The following FHIP2A variants were observed in gnomAD, a reference collection of about 807,000 sequenced individuals.
FHIP2A encodes the protein FHF complex subunit HOOK interacting protein 2A, also known as family with sequence similarity 160 member B1.
A neutral mutation model predicts 93.5 loss-of-function variants in FHIP2A; 46 were observed. The observed-to-expected ratio is 0.49, with a 90% CI of 0.39 to 0.63. The LOEUF (loss-of-function observed/expected upper bound fraction) is 0.63. FHIP2A is among the 20% of genes least tolerant of loss of function. The probability of loss-of-function intolerance (pLI) is 0.00; values close to 1 mark genes in which losing one functional copy is unlikely to be tolerated. For synonymous variants in FHIP2A, 332 were observed against 326.5 expected (o/e 1.02, Z -0.18); for missense variants, 769 against 909.7 (o/e 0.85, Z 1.99).
chr10:114,858,293 T>G (rs1034390848), intron 14 of FHIP2A, among the ~76,000 whole-genome samples: 9 of 152,240 alleles, frequency 5.9e-5, no homozygotes, highest in African/African-American at 2.2e-4. Context: ...TTTATCTTGT[T>G]GAAATTTATT....
chr10:114,896,751 T>C (rs1056536289), intron 16 of FHIP2A, among the ~76,000 whole-genome samples: 2 of 152,238 alleles, frequency 1.3e-5, no homozygotes, highest in Admixed American at 1.3e-4. Context: ...AACCAAGCTG[T>C]GCCCTGACCA....
chr10:114,828,102 T>G (rs2083587717), intron 1 of FHIP2A, among the ~76,000 whole-genome samples: 1 of 152,180 alleles, frequency 6.6e-6, no homozygotes, highest in South Asian at 2.1e-4. Flanking sequence ...CCAGAAAGTT[T>G]TACATAAATA....
Position 114,846,610 on chromosome 10 carries a change from G to A in FHIP2A, c.1450G>A (p.Glu484Lys). The A allele has an allele frequency of 6.2e-7, 1 of 1,610,860 alleles. No homozygotes were observed. The highest frequency in any genetic ancestry group is 8.5e-7 in the Non-Finnish European group (1 of 1,179,186). Residue 484 changes from glutamate (E) to lysine (K), a missense_variant, in exon 11 of 17, where the codon GAG becomes AAG. Glu to Lys is a moderately conservative substitution (Grantham distance 56). Transcript: ENST00000369248. The stretch of plus-strand genomic sequence containing the variant: ...TGAACATCTTTTACAAAAACCCAAT[G>A]AGCACATTCTTTACAACTTGGTCTT... ...MFEHLLQKPN[E>K]HILYNLVLRN...
Position 114,855,209 on chromosome 10 carries a change from T to C in FHIP2A, c.1816T>C (p.Cys606Arg), listed in dbSNP as rs745832787. ...TTTTTCCCCCTAGTTCCGAGACTACTGTGCTATCTGCTTAAGATGGGAGTG... is the reference window on the plus strand; with the variant it reads ...TTTTTCCCCCTAGTTCCGAGACTACCGTGCTATCTGCTTAAGATGGGAGTG... Reference protein sequence around the residue: ...RDAHRQFRDYCAICLRWEWPG... With the variant: ...RDAHRQFRDYRAICLRWEWPG... The change falls in exon 14 of 17, where the codon TGT becomes CGT. Residue 606 changes from cysteine to arginine, a missense_variant. Transcript: ENST00000369248. 2 of 1,613,726 alleles carry C rather than the reference T, an allele frequency of 1.2e-6. No individual in the cohort carries two copies. The highest frequency in any genetic ancestry group is 1.1e-5 in the South Asian group (1 of 90,998).
chr10:114,866,399 G>T (rs572613526), downstream of FHIP2A, among the ~76,000 whole-genome samples: 1 of 152,208 alleles, frequency 6.6e-6, no homozygotes, highest in South Asian at 2.1e-4. Flanking sequence ...CAGAAAATCA[G>T]TTTTTAACTT....
At chr10:114,896,742 A>G (rs536754619) in intron 16 of FHIP2A, among the ~76,000 whole-genome samples, 120 of 152,236 alleles carry the variant, frequency 7.9e-4, no homozygotes, top group African/African-American at 2.7e-3. Context: ...AATGTATAAA[A>G]CCAAGCTGTG....
chr10:114,857,347 G>A (rs1268146127), intron 14 of FHIP2A, among the ~76,000 whole-genome samples: 2 of 115,638 alleles, frequency 1.7e-5, no homozygotes, highest in Admixed American at 9.1e-5. Context: ...GTCTCGCTCT[G>A]TCACCCAGGC....
At chr10:114,856,981 C>T (rs2083770601) in intron 14 of FHIP2A, among the ~76,000 whole-genome samples, 1 of 152,144 alleles carries the variant, frequency 6.6e-6, no homozygotes, top group Non-Finnish European at 1.5e-5. Context: ...GTCCCAGCTA[C>T]TCAGGAGTCT....
chr10:114,852,699 A>C (rs1183945961), intron 13 of FHIP2A, among the ~76,000 whole-genome samples: 1 of 152,180 alleles, frequency 6.6e-6, no homozygotes, highest in African/African-American at 2.4e-5. Context: ...CCATTAACAG[A>C]TTAATCTCAT....
intron 5 of FHIP2A, among the ~76,000 whole-genome samples, chr10:114,839,901 A>G (rs989598420): frequency 2.0e-5 from 3 of 147,852 alleles, no homozygotes; most frequent in Non-Finnish European, 4.5e-5. Flanking sequence ...AAAAAAAAAA[A>G]GAAAAGAAAC....
In FHIP2A at chr10:114,825,621, T is replaced by C. The variant is rs1032479240; in HGVS notation, c.45+3498T>C. On this transcript the variant is annotated intron_variant, in intron 1 of 16. Coordinates refer to ENST00000369248, the MANE Select transcript of FHIP2A (RefSeq NM_020940.4). ...CAGTCTTCTCTCAGTACAGAAATGA[T>C]TGGCCAGTAAGAGTCTTATGAAATG... Among the ~76,000 whole-genome samples, 6 of 152,294 alleles carry C rather than the reference T, an allele frequency of 3.9e-5. No homozygotes were observed. The South Asian group carries it at 6.2e-4, about 16-fold the overall frequency.
intron 16 of FHIP2A, among the ~76,000 whole-genome samples, chr10:114,872,170 C>G (rs1385552481): frequency 6.6e-6 from 1 of 152,130 alleles, no homozygotes; most frequent in Non-Finnish European, 1.5e-5. Flanking sequence ...CCCCCTGGAC[C>G]ATGCTGAGAT....
Position 114,847,253 on chromosome 10 carries a change from T to C in FHIP2A, c.1712+20T>C. ...AAATAGGTGAGTTGCTATATAAAAT[T>C]TGACTTCCATCTCTCTTGTTTTTTG... On this transcript the variant is annotated intron_variant, in intron 12 of 16. Transcript: ENST00000369248. The C allele has an allele frequency of 6.3e-7, 1 of 1,589,028 alleles. No individual in the cohort carries two copies. Among genetic ancestry groups the C allele is most frequent in the Non-Finnish European group, 8.5e-7 (1 of 1,170,000 alleles).
In FHIP2A at chr10:114,863,065, T is replaced by C. The variant is rs958275055; in HGVS notation, c.*1525T>C. 46 of 984,166 alleles carry C rather than the reference T, an allele frequency of 4.7e-5. No homozygotes were observed. In the African/African-American group the frequency reaches 7.7e-4, roughly 16 times the overall value. The allele number at this position is 984,166 out of a possible 1,614,324, so 61.0% of individuals were successfully genotyped here. On this transcript the variant is annotated 3_prime_UTR_variant, in exon 17 of 17. Transcript: ENST00000369248. The stretch of plus-strand genomic sequence containing the variant: ...TCAAAAGATTATGAATAGCCTCAGC[T>C]CTAGAATGCTTACCACTGTTAAAAC...
intron 16 of FHIP2A, among the ~76,000 whole-genome samples, chr10:114,887,852 A>G (rs917597175): frequency 1.3e-5 from 2 of 152,236 alleles, no homozygotes; most frequent in Non-Finnish European, 2.9e-5. Flanking sequence ...AAGAATTAAT[A>G]TGGGAAATGG....
At chr10:114,823,845 G>A (rs77554538) in intron 1 of FHIP2A, among the ~76,000 whole-genome samples, 5,933 of 152,122 alleles carry the variant, frequency 0.039, 333 homozygotes, top group African/African-American at 0.12. Flanking sequence ...AACACTTAAT[G>A]AGATACTTGG....
intron 5 of FHIP2A, among the ~76,000 whole-genome samples, chr10:114,838,800 C>T (rs1253495856): frequency 2.0e-5 from 3 of 152,192 alleles, no homozygotes; most frequent in Non-Finnish European, 4.4e-5. Flanking sequence ...AACCTCACTA[C>T]AGAGAACACC....
chr10:114,858,986 C>CG (rs2083782378), intron 14 of FHIP2A, among the ~76,000 whole-genome samples: 1 of 151,702 alleles, frequency 6.6e-6, no homozygotes, highest in Non-Finnish European at 1.5e-5. Context: ...TGGACCCCCC[C>CG]CAAAATAGGT....
At chr10:114,866,035 C>T (rs1412556751), downstream of FHIP2A, among the ~76,000 whole-genome samples, 3 of 151,956 alleles carry the variant, frequency 2.0e-5, no homozygotes, top group African/African-American at 7.3e-5. Flanking sequence ...TATAGGTAAA[C>T]GTGTGCCATG....
Sources: gnomAD v4.1 joint callset for allele counts (sites outside exome capture counted in the v4.1 genomes callset) on GRCh38, gnomAD v4.1.1 for gene constraint, MANE v1.5 for transcripts, NCBI Gene and HGNC (gene_info 2026-07-23, HGNC 2026-07-21) for gene names.